The following STARD9 variants were observed in gnomAD, a reference collection of about 807,000 sequenced individuals.
The protein encoded by STARD9 is StAR related lipid transfer domain containing 9, also known as stAR-related lipid transfer protein 9.
In STARD9, 346 loss-of-function variants were observed where a neutral mutation model predicts 399.8. The observed-to-expected ratio is 0.87, with a 90% CI of 0.79 to 0.95. The LOEUF (loss-of-function observed/expected upper bound fraction) is 0.95, where lower values mean the gene tolerates loss of function less well. Among genes scored for constraint, STARD9 ranks in the 40% least tolerant of loss-of-function variants. The pLI is 0.00. For synonymous variants in STARD9, 2,203 were observed against 2,143.5 expected (o/e 1.03, Z -0.77); for missense variants, 5,832 against 5,667.5 (o/e 1.03, Z -0.93).
rs1416430688 is a variant in STARD9 at position 42,651,040 on chromosome 15, A to G, written c.584A>G (p.Asn195Ser). The G allele has an allele frequency of 3.3e-6, 5 of 1,534,732 alleles. No homozygotes were observed. The highest frequency in any genetic ancestry group is 2.5e-5 in the East Asian group (1 of 40,806). Residue 195 changes from asparagine (N) to serine (S), a missense_variant, in exon 8 of 33, where the codon AAT becomes AGT. This residue lies in a region of STARD9 where 5,828 missense variants were observed against 5,651.1 expected (regional missense o/e 1.03). Transcript: ENST00000290607. ...VQGLSQHVVT[N>S]YKQVIQLLEE... ...GGTTTATCTCAACATGTAGTTACCA[A>G]TTATAAGCAAGTAATCCAACTCTTG...
chr15:42,620,692 C>G (rs907602567), intron 3 of STARD9, among the ~76,000 whole-genome samples: 2 of 151,926 alleles, frequency 1.3e-5, no homozygotes, highest in Non-Finnish European at 2.9e-5. Context: ...TTAACACTTA[C>G]GAAGATTACA....
intron 20 of STARD9, among the ~76,000 whole-genome samples, chr15:42,676,886 G>A (rs1275971871): frequency 6.6e-6 from 1 of 152,038 alleles, no homozygotes; most frequent in African/African-American, 2.4e-5. Flanking sequence ...CAGGCCAGCA[G>A]CATTTGATGG....
intron 26 of STARD9, among the ~76,000 whole-genome samples, chr15:42,713,416 A>C (rs957679306): frequency 6.6e-6 from 1 of 152,186 alleles, no homozygotes; most frequent in Admixed American, 6.5e-5. Context: ...GCTGGCTAGA[A>C]TCTCCAGTAC....
chr15:42,719,551 C>G lies in STARD9; in HGVS notation c.14080C>G (p.Leu4694Val). 6 of 1,536,774 alleles carry G rather than the reference C, an allele frequency of 3.9e-6. No homozygotes were observed. Among genetic ancestry groups the G allele is most frequent in the Non-Finnish European group, 5.2e-6 (6 of 1,146,484 alleles). Residue 4694 changes from leucine (L) to valine (V), a missense_variant, in exon 33 of 33, where the codon CTG becomes GTG. Around this residue, in one of 2 missense-constraint regions of STARD9, gnomAD observed 4 missense variants for 16.5 expected, o/e 0.24. Coordinates refer to ENST00000290607, the MANE Select transcript of STARD9 (RefSeq NM_020759.3). ...IKRQPLVIARLASFLGR is the reference protein window; with the variant it reads ...IKRQPLVIARVASFLGR ...ACGGCAGCCACTGGTTATAGCCAGACTGGCTTCCTTCCTTGGTAGGTAGCA... is the reference window on the plus strand; with the variant it reads ...ACGGCAGCCACTGGTTATAGCCAGAGTGGCTTCCTTCCTTGGTAGGTAGCA...
intron 3 of STARD9, among the ~76,000 whole-genome samples, chr15:42,598,915 TTTG>T (rs879692984): frequency 2.2e-4 from 33 of 152,252 alleles, no homozygotes; most frequent in African/African-American, 7.5e-4. Context: ...CTCTGTTTTT[TTTG>T]TTGTTGTTGT....
chr15:42,700,012 C>T (rs576222174), intron 26 of STARD9, among the ~76,000 whole-genome samples: 55 of 152,236 alleles, frequency 3.6e-4, no homozygotes, highest in African/African-American at 1.3e-3. Context: ...TTTTAGATTC[C>T]GCATATGAGT....
chr15:42,584,953 G>T (rs147888154), intron 2 of STARD9, among the ~76,000 whole-genome samples: 1 of 152,216 alleles, frequency 6.6e-6, no homozygotes, highest in Non-Finnish European at 1.5e-5. Context: ...GACGCCATGA[G>T]TGGAAAGTTT....
intron 20 of STARD9, among the ~76,000 whole-genome samples, chr15:42,680,368 G>A (rs2060402471): frequency 6.6e-6 from 1 of 152,164 alleles, no homozygotes; most frequent in East Asian, 1.9e-4. Context: ...GGGAGGCTGA[G>A]GTGGGGAGAT....
rs942556352 is a variant in STARD9, at chr15:42,676,607, C to A, written c.1874+632C>A. ...TCAGAGTTTTATATGGGATTGATGG[C>A]AACTACTTTTCTACTTCATACTTCA... On this transcript the variant is annotated intron_variant, in intron 20 of 32. Transcript: ENST00000290607. 3.3e-5 allele frequency among the ~76,000 whole-genome samples: 5 copies of A among 152,196 alleles called. No homozygotes were observed. The East Asian group carries it at 5.8e-4, about 18-fold the overall frequency.
intron 26 of STARD9, among the ~76,000 whole-genome samples, chr15:42,708,569 G>A (rs1332444196): frequency 1.3e-5 from 2 of 152,090 alleles, no homozygotes; most frequent in Non-Finnish European, 2.9e-5. Context: ...TCATTTCTGT[G>A]TATGTTGTTA....
intron 26 of STARD9, among the ~76,000 whole-genome samples, chr15:42,703,769 C>T (rs2061019027): frequency 6.6e-6 from 1 of 151,912 alleles, no homozygotes; most frequent in African/African-American, 2.4e-5. Flanking sequence ...TTCAAATATC[C>T]TGTCTTTGAG....
intron 3 of STARD9, among the ~76,000 whole-genome samples, chr15:42,587,302 T>G (rs1001748260): frequency 2.6e-4 from 40 of 152,218 alleles, no homozygotes; most frequent in African/African-American, 8.9e-4. Flanking sequence ...TAAATTTAAA[T>G]ATTTCTAAAT....
At chr15:42,712,554 A>C (rs904489893) in intron 26 of STARD9, among the ~76,000 whole-genome samples, 1 of 152,138 alleles carries the variant, frequency 6.6e-6, no homozygotes, top group Non-Finnish European at 1.5e-5. Context: ...TTCTCCCAAC[A>C]ACATTTGTTT....
Position 42,685,447 on chromosome 15 carries a change from A to G in STARD9, c.3869A>G (p.His1290Arg), listed in dbSNP as rs2060529309. ...QFQPHCELQPHCELQPHCELQ... is the reference protein window; with the variant it reads ...QFQPHCELQPRCELQPHCELQ... The stretch of plus-strand genomic sequence containing the variant: ...CAACCCCATTGTGAGCTCCAACCCC[A>G]TTGTGAGCTCCAACCCCATTGTGAG... Residue 1290 changes from histidine to arginine, a missense_variant, in exon 23 of 33, where the codon CAT (histidine) becomes CGT (arginine). Transcript: ENST00000290607. 2.0e-6 allele frequency: 3 copies of G among 1,536,340 alleles called. No homozygotes were observed. Among genetic ancestry groups the G allele is most frequent in the Non-Finnish European group, 2.6e-6 (3 of 1,146,602 alleles).
intron 22 of STARD9, among the ~76,000 whole-genome samples, chr15:42,683,297 T>G (rs890938681): frequency 3.3e-5 from 5 of 152,242 alleles, no homozygotes; most frequent in African/African-American, 1.2e-4. Context: ...TGAAAAAATT[T>G]TAAACATATG....
At position 42,716,928 on chromosome 15, in the gene STARD9, C is replaced by T; in HGVS notation, c.13374C>T (p.Ser4458=). Residue 4458 remains serine (S), a splice_region_variant and synonymous_variant, in exon 28 of 33, where the codon AGC becomes AGT. Transcript: ENST00000290607. ...AGGGCCTCCACCTATTTCTTGTAGGCCACAGAGCCTCCCTGGGCAGTTGCT... is the reference window on the plus strand; with the variant it reads ...AGGGCCTCCACCTATTTCTTGTAGGTCACAGAGCCTCCCTGGGCAGTTGCT... The part of the protein sequence containing the change: ...HSAVRKNSAY[S]HRASLGSCCC... 3 of 1,537,188 alleles carry T rather than the reference C, an allele frequency of 2.0e-6. No homozygotes were observed. Among genetic ancestry groups the T allele is most frequent in the Non-Finnish European group, 2.6e-6 (3 of 1,146,892 alleles).
chr15:42,612,381 G>A lies in STARD9; in HGVS notation c.235-22475G>A, dbSNP rs565946411. On this transcript the variant is annotated intron_variant, in intron 3 of 32. Transcript: ENST00000290607. ...AAATGCTTACCTTTGCTTGGAAATC[G>A]AGTCAGTGAGGCTCTGGAAAGAAGT... Among the ~76,000 whole-genome samples, 7 of 152,228 alleles carry A rather than the reference G, an allele frequency of 4.6e-5. No homozygotes were observed. The East Asian group carries it at 7.7e-4, about 17-fold the overall frequency.
At chr15:42,664,951 G>A (rs907700381) in intron 13 of STARD9, among the ~76,000 whole-genome samples, 3 of 152,028 alleles carry the variant, frequency 2.0e-5, no homozygotes, top group African/African-American at 7.2e-5. Context: ...TGACCTCTAG[G>A]GAAATGATTC....
intron 18 of STARD9, among the ~76,000 whole-genome samples, chr15:42,675,235 A>G (rs1046848608): frequency 6.6e-6 from 1 of 152,246 alleles, no homozygotes; most frequent in African/African-American, 2.4e-5. Context: ...TTCCTCATCT[A>G]TAAAATGGGG....
Sources: gnomAD v4.1 joint callset for allele counts (sites outside exome capture counted in the v4.1 genomes callset) on GRCh38, gnomAD v4.1.1 for gene constraint, gnomAD v4.1.1 regional missense constraint, MANE v1.5 for transcripts, NCBI Gene and HGNC (gene_info 2026-07-23, HGNC 2026-07-21) for gene names.